Variants in KIAA1328 observed in about 807,000 individuals in gnomAD.
KIAA1328 encodes KIAA1328.
Under a neutral mutation model 68.1 loss-of-function variants are expected in KIAA1328, and 52 were observed. The observed-to-expected ratio is 0.76, with a 90% CI of 0.61 to 0.96. The LOEUF (loss-of-function observed/expected upper bound fraction) is 0.96, where lower values mean the gene tolerates loss of function less well. Ranked by LOEUF, KIAA1328 falls within the 40% of genes least tolerant of loss-of-function variation. The probability of loss-of-function intolerance (pLI) is 0.00; values close to 1 mark genes in which losing one functional copy is unlikely to be tolerated. For synonymous variants in KIAA1328, 232 were observed against 239.4 expected (o/e 0.97, Z 0.28); for missense variants, 641 against 677.6 (o/e 0.95, Z 0.60).
At chr18:37,129,143 A>G (rs1420343546) in intron 7 of KIAA1328, among the ~76,000 whole-genome samples, 24 of 152,290 alleles carry the variant, frequency 1.6e-4, no homozygotes, top group Non-Finnish European at 4.4e-5. Flanking sequence ...AAAAGGATAA[A>G]TTTTATTGAT....
intron 7 of KIAA1328, among the ~76,000 whole-genome samples, chr18:37,106,841 T>C (rs2057790370): frequency 6.6e-6 from 1 of 152,222 alleles, no homozygotes; most frequent in Non-Finnish European, 1.5e-5. Context: ...AAGAACAAAA[T>C]AATGTTACAA....
At chr18:37,128,820 T>C (rs1599368933) in intron 7 of KIAA1328, among the ~76,000 whole-genome samples, 1 of 152,118 alleles carries the variant, frequency 6.6e-6, no homozygotes, top group Admixed American at 6.5e-5. Flanking sequence ...ATACTCCTTG[T>C]ATCAAAAAGG....
chr18:37,087,408 T>C (rs2057137595), intron 7 of KIAA1328, among the ~76,000 whole-genome samples: 1 of 152,228 alleles, frequency 6.6e-6, no homozygotes, highest in Non-Finnish European at 1.5e-5. Context: ...AAGGCCATTT[T>C]TTAAAATAAG....
intron 6 of KIAA1328, among the ~76,000 whole-genome samples, chr18:37,013,723 A>C (rs554585956): frequency 6.6e-6 from 1 of 152,194 alleles, no homozygotes; most frequent in South Asian, 2.1e-4. Flanking sequence ...CGTGTACCAC[A>C]TTTTCTTTAT....
chr18:36,956,211 A>G (rs1468653797), intron 5 of KIAA1328, among the ~76,000 whole-genome samples: 1 of 152,158 alleles, frequency 6.6e-6, no homozygotes, highest in African/African-American at 2.4e-5. Context: ...GCTTAATACT[A>G]ATTTATATTT....
At chr18:36,856,199 T>C (rs1344032446) in intron 4 of KIAA1328, among the ~76,000 whole-genome samples, 1 of 152,130 alleles carries the variant, frequency 6.6e-6, no homozygotes, top group Non-Finnish European at 1.5e-5. Context: ...TTGACATTTT[T>C]GGATGTATAG....
chr18:37,146,469 T>G (rs2058904775), intron 7 of KIAA1328, among the ~76,000 whole-genome samples: 1 of 152,198 alleles, frequency 6.6e-6, no homozygotes. Context: ...ATGTACCACA[T>G]TTTTTAAATT....
chr18:36,844,038 A>G (rs991380197), intron 3 of KIAA1328, among the ~76,000 whole-genome samples, 170 bp from the exon 4 acceptor site: 1 of 152,154 alleles, frequency 6.6e-6, no homozygotes, highest in East Asian at 1.9e-4. Context: ...CCTAGTGGAC[A>G]GTCAGTTCCT....
intron 8 of KIAA1328, among the ~76,000 whole-genome samples, chr18:37,163,631 A>G (rs970787661): frequency 3.3e-5 from 5 of 152,146 alleles, no homozygotes; most frequent in Non-Finnish European, 7.3e-5. Context: ...TGTTCCTCTA[A>G]GTGAGCCTGT....
intron 7 of KIAA1328, among the ~76,000 whole-genome samples, chr18:37,076,939 A>T (rs1416509106): frequency 6.6e-6 from 1 of 152,164 alleles, no homozygotes; most frequent in African/African-American, 2.4e-5. Context: ...TTCTGAAACT[A>T]TTCCAATCAA....
intron 6 of KIAA1328, among the ~76,000 whole-genome samples, chr18:37,027,157 A>G (rs2054616977): frequency 6.6e-6 from 1 of 152,244 alleles, no homozygotes; most frequent in Non-Finnish European, 1.5e-5. Context: ...AATCCAACTT[A>G]CAAGGGACGT....
intron 7 of KIAA1328, among the ~76,000 whole-genome samples, chr18:37,148,182 T>C (rs1237024511): frequency 6.6e-6 from 1 of 152,112 alleles, no homozygotes; most frequent in East Asian, 1.9e-4. Context: ...CCTGTGTCCA[T>C]GTGTTCTCAT....
chr18:37,211,083 G>T (rs2154220255), intron 9 of KIAA1328, among the ~76,000 whole-genome samples: 1 of 152,316 alleles, frequency 6.6e-6, no homozygotes, highest in Admixed American at 6.5e-5. Flanking sequence ...TAATTTGTTG[G>T]AGGAAAAGAT....
chr18:37,173,114 T>C, intron 9 of KIAA1328, 33 bp downstream of exon 9: 1 of 1,498,794 alleles, frequency 6.7e-7, no homozygotes, highest in Admixed American at 1.8e-5. Context: ...TTTTTAATAT[T>C]CTCCCTATGA....
intron 6 of KIAA1328, among the ~76,000 whole-genome samples, chr18:37,033,836 T>A (rs2054926060): frequency 1.3e-5 from 2 of 152,238 alleles, no homozygotes; most frequent in African/African-American, 4.8e-5. Flanking sequence ...CTGGACTGTT[T>A]ATCTAAATAA....
At chr18:37,042,145 A>T (rs1382344699) in intron 6 of KIAA1328, among the ~76,000 whole-genome samples, 2 of 152,018 alleles carry the variant, frequency 1.3e-5, no homozygotes, top group Non-Finnish European at 2.9e-5. Context: ...TGATGCACCC[A>T]CCTTGACCTC....
At chr18:37,062,225 A>G (rs2056173317) in intron 6 of KIAA1328, among the ~76,000 whole-genome samples, 1 of 152,178 alleles carries the variant, frequency 6.6e-6, no homozygotes, top group Non-Finnish European at 1.5e-5. Flanking sequence ...CATTCACTTT[A>G]GAAGAAGTTT....
At chr18:37,195,933 CA>C (rs1490034193) in intron 9 of KIAA1328, among the ~76,000 whole-genome samples, 1 of 152,154 alleles carries the variant, frequency 6.6e-6, no homozygotes, top group East Asian at 1.9e-4. Context: ...AATCCATGAG[CA>C]TGGGATATCT....
At chr18:37,104,442 CAT>C (rs138437942) in intron 7 of KIAA1328, among the ~76,000 whole-genome samples, 2,726 of 152,168 alleles carry the variant, frequency 0.018, 52 homozygotes, top group Non-Finnish European at 0.023. Context: ...TGATATCACT[CAT>C]GTGAGAGCTA....
Sources: gnomAD v4.1 joint callset for allele counts (sites outside exome capture counted in the v4.1 genomes callset) on GRCh38, gnomAD v4.1.1 for gene constraint, MANE v1.5 for transcripts, NCBI Gene and HGNC (gene_info 2026-07-23, HGNC 2026-07-21) for gene names.